Variants in TBC1D9 observed in about 807,000 individuals in gnomAD.
The protein encoded by TBC1D9 is TBC1 domain family member 9A.
In TBC1D9, 63 loss-of-function variants were observed where a neutral mutation model predicts 132.0. The ratio of observed to expected loss-of-function variants is 0.48; its 90% confidence interval spans 0.39 to 0.59. The LOEUF (loss-of-function observed/expected upper bound fraction) is 0.59, where lower values mean the gene tolerates loss of function less well. Among genes scored for constraint, TBC1D9 ranks in the 20% least tolerant of loss-of-function variants. The pLI, the probability that TBC1D9 is intolerant of heterozygous loss-of-function variation, is 0.00. For missense variants in TBC1D9, 1,261 were observed against 1,592.7 expected (o/e 0.79, Z 3.54); for synonymous variants, 610 against 609.9 (o/e 1.00, Z 0.00).
At chr4:140,639,473 C>G in intron 13 of TBC1D9, 45 bp from the exon 14 acceptor site, 9 of 1,328,532 alleles carry the variant, frequency 6.8e-6, no homozygotes, top group East Asian at 2.4e-5. Context: ...TCTCTTACAG[C>G]ACACAATGTC....
intron 9 of TBC1D9, 95 bp downstream of exon 9, chr4:140,668,822 G>C (rs1737488070): frequency 7.4e-7 from 1 of 1,345,098 alleles, no homozygotes; most frequent in Non-Finnish European, 1.0e-6. Flanking sequence ...ATGCATATTT[G>C]AAAGAACCCC....
chr4:140,682,671 G>T (rs1737723895), intron 3 of TBC1D9, among the ~76,000 whole-genome samples: 1 of 152,112 alleles, frequency 6.6e-6, no homozygotes, highest in African/African-American at 2.4e-5. Context: ...CAGCAGCTGG[G>T]CCTCCAGGGA....
chr4:140,683,370 A>G (rs1737733657), intron 3 of TBC1D9, among the ~76,000 whole-genome samples: 1 of 152,220 alleles, frequency 6.6e-6, no homozygotes, highest in Non-Finnish European at 1.5e-5. Flanking sequence ...AAAAAAGGAA[A>G]TAATCCAGAA....
intron 1 of TBC1D9, among the ~76,000 whole-genome samples, chr4:140,740,936 A>T (rs532453212): frequency 1.2e-4 from 19 of 152,342 alleles, no homozygotes; most frequent in African/African-American, 4.6e-4. Context: ...AATAACCTAT[A>T]AACCAAAAAT....
chr4:140,658,815 A>G (rs1737312468), intron 11 of TBC1D9, among the ~76,000 whole-genome samples: 1 of 152,140 alleles, frequency 6.6e-6, no homozygotes, highest in Non-Finnish European at 1.5e-5. Context: ...TCTTAAAAAA[A>G]AAAAAAAATC....
At chr4:140,680,413 A>T (rs1578837755) in intron 3 of TBC1D9, among the ~76,000 whole-genome samples, 3 of 152,206 alleles carry the variant, frequency 2.0e-5, no homozygotes, top group South Asian at 4.1e-4. Context: ...GGACAGTTAG[A>T]CAGGAAATGA....
intron 16 of TBC1D9, among the ~76,000 whole-genome samples, chr4:140,628,780 C>T (rs1238687460): frequency 6.6e-6 from 1 of 152,184 alleles, no homozygotes; most frequent in Non-Finnish European, 1.5e-5. Context: ...TCTTAAATAA[C>T]TATTAGAGTT....
At chr4:140,657,422 G>T in intron 12 of TBC1D9, 105 bp downstream of exon 12, 1 of 1,356,640 alleles carries the variant, frequency 7.4e-7, no homozygotes, top group Non-Finnish European at 1.0e-6. Flanking sequence ...ACAGGAAGAA[G>T]CGGGCATTAT....
chr4:140,640,426 C>A (rs906061010), intron 13 of TBC1D9, among the ~76,000 whole-genome samples: 4 of 103,684 alleles, frequency 3.9e-5, no homozygotes, highest in African/African-American at 1.7e-4. Context: ...ACAAATATGA[C>A]CTTATCTTAG....
intron 2 of TBC1D9, among the ~76,000 whole-genome samples, chr4:140,691,585 C>G (rs960165518): frequency 1.3e-5 from 2 of 152,108 alleles, no homozygotes; most frequent in Non-Finnish European, 2.9e-5. Context: ...CAAGCTGACC[C>G]GATTGTGTAA....
At chr4:140,631,012 A>G (rs1337045789) in intron 16 of TBC1D9, among the ~76,000 whole-genome samples, 1 of 152,186 alleles carries the variant, frequency 6.6e-6, no homozygotes, top group Non-Finnish European at 1.5e-5. Flanking sequence ...GTTGAAATGA[A>G]CTTATTGCCC....
At chr4:140,684,725 C>A (rs1016509508) in intron 3 of TBC1D9, among the ~76,000 whole-genome samples, 1 of 151,230 alleles carries the variant, frequency 6.6e-6, no homozygotes, top group Admixed American at 6.6e-5. Context: ...GCAGTCTTGA[C>A]CTCCTGAGGC....
chr4:140,715,658 C>T (rs1738324002), intron 1 of TBC1D9: 1 of 152,218 alleles, frequency 6.6e-6, no homozygotes, highest in South Asian at 2.1e-4. Flanking sequence ...AAAATAGTGG[C>T]TACAGACTGT....
At chr4:140,701,720 C>T (rs1738073060) in intron 1 of TBC1D9, 106 bp from the exon 2 acceptor site, 2 of 798,878 alleles carry the variant, frequency 2.5e-6, no homozygotes, top group Non-Finnish European at 2.1e-6. Context: ...CCAACAACCC[C>T]ATCTCCCACT....
At position 140,634,091 on chromosome 4, in the gene TBC1D9, A is replaced by G. The variant is rs763849980; in HGVS notation, c.2603T>C (p.Phe868Ser). Residue 868 changes from phenylalanine to serine, a missense_variant, in exon 16 of 21, where the codon TTC becomes TCC. Phe to Ser is a radical substitution (Grantham distance 155). This residue lies in a region of TBC1D9 where 618 missense variants were observed against 724.4 expected (regional missense o/e 0.85). Coordinates refer to ENST00000442267, the MANE Select transcript of TBC1D9 (RefSeq NM_015130.3). ...LPYLEQYRID[F>S]EQFKGMFALL... Reference sequence around the variant, plus strand: ...AGCAAACATTCCCTTGAACTGCTCGAAGTCAATGCGATACTGTTCCAGGTA... The same window carrying G: ...AGCAAACATTCCCTTGAACTGCTCGGAGTCAATGCGATACTGTTCCAGGTA... The G allele has an allele frequency of 1.2e-6, 2 of 1,614,044 alleles. No homozygotes were observed. The highest frequency in any genetic ancestry group is 2.2e-5 in the South Asian group (2 of 91,080).
At position 140,652,696 on chromosome 4, in the gene TBC1D9, T is replaced by A. The variant is rs372774145; in HGVS notation, c.2337+4401A>T. ...TTTCACCTTAAAATGCATTAACATT[T>A]ACATGGCAGAGCTGTCTACAAGGCA... On this transcript the variant is annotated intron_variant, in intron 13 of 20. Transcript: ENST00000442267. 4.9e-4 allele frequency among the ~76,000 whole-genome samples: 74 copies of A among 152,316 alleles called. 1 individual carries two copies. Among genetic ancestry groups the A allele is most frequent in the African/African-American group, 1.7e-3 (72 of 41,580 alleles).
intron 16 of TBC1D9, 120 bp downstream of exon 16, chr4:140,633,828 A>T (rs1035871305): frequency 1.6e-6 from 2 of 1,247,088 alleles, no homozygotes; most frequent in Non-Finnish European, 2.2e-6. Context: ...TGAAAAACAC[A>T]TTTTATAATC....
chr4:140,677,634 T>A (rs1431428258), intron 5 of TBC1D9, among the ~76,000 whole-genome samples: 3 of 152,212 alleles, frequency 2.0e-5, no homozygotes, highest in African/African-American at 7.2e-5. Context: ...TTTTCTCTAA[T>A]GAGTTCTTTG....
chr4:140,737,361 T>G (rs765612991), intron 1 of TBC1D9, among the ~76,000 whole-genome samples: 18 of 151,970 alleles, frequency 1.2e-4, no homozygotes, highest in Middle Eastern at 3.2e-3. Context: ...TTCCATGCCC[T>G]GTTCCCTCTC....
Sources: gnomAD v4.1 joint callset for allele counts (sites outside exome capture counted in the v4.1 genomes callset) on GRCh38, gnomAD v4.1.1 for gene constraint, gnomAD v4.1.1 regional missense constraint, MANE v1.5 for transcripts, NCBI Gene and HGNC (gene_info 2026-07-23, HGNC 2026-07-21) for gene names.